TFDP1: variants seen among roughly 807,000 people sequenced by gnomAD.
TFDP1 encodes the protein DRTF1-polypeptide 1.
Under a neutral mutation model 48.0 loss-of-function variants are expected in TFDP1, and 6 were observed. The observed-to-expected ratio is 0.13, with a 90% CI of 0.07 to 0.25. The LOEUF is 0.25. Ranked by LOEUF, TFDP1 falls within the 10% of genes least tolerant of loss-of-function variation. The pLI is 1.00. For synonymous variants in TFDP1, 201 were observed against 211.6 expected, an observed-to-expected ratio of 0.95 and a Z score of 0.44; for missense variants, 335 against 543.0, an observed-to-expected ratio of 0.62 and a Z score of 3.81.
At chr13:113,637,693 G>C (rs754591954) in intron 10 of TFDP1, 125 bp from the exon 11 acceptor site, 73 of 1,568,742 alleles carry the variant, frequency 4.7e-5, no homozygotes, top group Non-Finnish European at 6.3e-5. Context: ...CTGGACAAGC[G>C]AAGGATATCC....
At position 113,623,035 on chromosome 13, in the gene TFDP1, C is replaced by T; in HGVS notation, c.80-145C>T. On this transcript the variant is annotated intron_variant, in intron 3 of 11. Transcript: ENST00000375370. The surrounding 1 kb of genome is among the most constrained non-coding windows in gnomAD (Gnocchi z 5.2). ...GGAATCAAGCTTCATGGAGGTGTTGCTCTTGAGCCCTGGATTTGAGACAGT... is the reference window on the plus strand; with the variant it reads ...GGAATCAAGCTTCATGGAGGTGTTGTTCTTGAGCCCTGGATTTGAGACAGT... The T allele has an allele frequency of 1.4e-6, 1 of 720,736 alleles. No homozygotes were observed. The highest frequency in any genetic ancestry group is 2.3e-6 in the Non-Finnish European group (1 of 433,602). The allele number at this position is 720,736 out of a possible 1,614,324, so 44.6% of individuals were successfully genotyped here. A position where few individuals can be genotyped will look rare whatever the true frequency, so the allele number is the denominator to read the frequency against.
At chr13:113,602,335 C>A (rs2048456590) in intron 2 of TFDP1, among the ~76,000 whole-genome samples, 1 of 152,018 alleles carries the variant, frequency 6.6e-6, no homozygotes, top group Non-Finnish European at 1.5e-5. Context: ...GATGGAGTTA[C>A]CTGCAGGAGT....
chr13:113,627,470 C>T lies in TFDP1; in HGVS notation c.187-4153C>T, dbSNP rs2049212865. On this transcript the variant is annotated intron_variant, in intron 4 of 11. Transcript: ENST00000375370. The surrounding 1 kb of genome is among the most constrained non-coding windows in gnomAD (Gnocchi z 4.1). ...TTCCTTTGCAGCTGCGCCACTGGCCCTGTCTCTCTGGACACCGCGGTTAAC... is the reference window on the plus strand; with the variant it reads ...TTCCTTTGCAGCTGCGCCACTGGCCTTGTCTCTCTGGACACCGCGGTTAAC... 6.6e-6 allele frequency among the ~76,000 whole-genome samples: 1 copy of T among 152,206 alleles called. No homozygotes were observed. The highest frequency in any genetic ancestry group is 1.5e-5 in the Non-Finnish European group (1 of 68,044).
At position 113,627,267 on chromosome 13, in the gene TFDP1, C is replaced by T. The variant is rs2049204443; in HGVS notation, c.186+3981C>T. 1.3e-5 allele frequency among the ~76,000 whole-genome samples: 2 copies of T among 152,122 alleles called. No individual in the cohort carries two copies. The highest frequency in any genetic ancestry group is 2.1e-4 in the South Asian group (1 of 4,834). On this transcript the variant is annotated intron_variant, in intron 4 of 11. Coordinates refer to ENST00000375370, the MANE Select transcript of TFDP1 (RefSeq NM_007111.5). The surrounding 1 kb of genome is among the most constrained non-coding windows in gnomAD (Gnocchi z 4.1). The stretch of plus-strand genomic sequence containing the variant: ...GTCAAGGTCAGGGTCTTTTGAGGTG[C>T]GGATGCTTGTGAAGCCTGTGGTGCT...
intron 3 of TFDP1, among the ~76,000 whole-genome samples, chr13:113,614,909 C>T (rs1430058388): frequency 6.6e-6 from 1 of 152,172 alleles, no homozygotes; most frequent in Non-Finnish European, 1.5e-5. Flanking sequence ...ACGAGGCCCA[C>T]CTGCATCGAG....
At chr13:113,600,709 A>G (rs923708831) in intron 2 of TFDP1, among the ~76,000 whole-genome samples, 7 of 142,710 alleles carry the variant, frequency 4.9e-5, no homozygotes, top group Non-Finnish European at 9.1e-5. Context: ...GAATCCTTGC[A>G]TGTAGGGCTC....
intron 3 of TFDP1, among the ~76,000 whole-genome samples, chr13:113,615,333 T>C (rs577540235): frequency 4.9e-4 from 74 of 152,350 alleles, no homozygotes; most frequent in African/African-American, 1.4e-3. Context: ...CTCTTACTCA[T>C]ATCATGCCTA....
intron 9 of TFDP1, among the ~76,000 whole-genome samples, 169 bp from the exon 10 acceptor site, chr13:113,636,365 C>G (rs1313270664): frequency 2.0e-5 from 3 of 152,238 alleles, no homozygotes; most frequent in African/African-American, 7.2e-5. Flanking sequence ...CTCGATTTGC[C>G]TCTCATCTCA....
Position 113,585,921 on chromosome 13 carries a change from A to G in TFDP1, c.12+72A>G, listed in dbSNP as rs1170105745. On this transcript the variant is annotated intron_variant, in intron 2 of 11. Coordinates refer to ENST00000375370, the MANE Select transcript of TFDP1 (RefSeq NM_007111.5). ...AAATTCTTTGTAGTTCTCTGCCTTT[A>G]TTTCAGAATGACAACACATAAGCTA... 6 of 1,524,508 alleles carry G rather than the reference A, an allele frequency of 3.9e-6. No individual in the cohort carries two copies. In the East Asian group the frequency reaches 1.1e-4, roughly 29 times the overall value. The allele number at this position is 1,524,508 out of a possible 1,614,324, so 94.4% of individuals were successfully genotyped here. A position where few individuals can be genotyped will look rare whatever the true frequency, so the allele number is the denominator to read the frequency against.
In TFDP1 at chr13:113,629,040, G is replaced by C. The variant is rs574765737; in HGVS notation, c.187-2583G>C. Among the ~76,000 whole-genome samples, 5 of 152,358 alleles carry C rather than the reference G, an allele frequency of 3.3e-5. No individual in the cohort carries two copies. The South Asian group carries it at 1.0e-3, about 32-fold the overall frequency. On this transcript the variant is annotated intron_variant, in intron 4 of 11. Coordinates refer to ENST00000375370, the MANE Select transcript of TFDP1 (RefSeq NM_007111.5). ...GAGCAAAGCCTCTGTCTCGTTCCTG[G>C]GAGGGCTGGCTCCAGGCCGCCCCTG...
In TFDP1 at chr13:113,640,309, C is replaced by G. The variant is rs200563498; in HGVS notation, c.*42C>G. The stretch of plus-strand genomic sequence containing the variant: ...GATTCGGCTTCAGGAAAACGTTTAG[C>G]GAAAAGAAACTTTTTTTTTAATGTG... On this transcript the variant is annotated 3_prime_UTR_variant, in exon 12 of 12. Coordinates refer to ENST00000375370, the MANE Select transcript of TFDP1 (RefSeq NM_007111.5). The G allele has an allele frequency of 7.0e-6, 11 of 1,570,394 alleles. No homozygotes were observed. The highest frequency in any genetic ancestry group is 1.4e-5 in the African/African-American group (1 of 73,130).
At position 113,598,281 on chromosome 13, in the gene TFDP1, A is replaced by G. The variant is rs1301047261; in HGVS notation, c.12+12432A>G. Among the ~76,000 whole-genome samples the G allele has an allele frequency of 6.6e-6, 1 of 152,178 alleles. No individual in the cohort carries two copies. The highest frequency in any genetic ancestry group is 1.5e-5 in the Non-Finnish European group (1 of 68,018). On this transcript the variant is annotated intron_variant, in intron 2 of 11. Transcript: ENST00000375370. The surrounding 1 kb of genome is among the most constrained non-coding windows in gnomAD (Gnocchi z 4.2). ...TTTTTAACGGCTGTGGAACTGATGT[A>G]TGGGTTTTCCAGGCAGTTTTGCATT...
intron 2 of TFDP1, among the ~76,000 whole-genome samples, chr13:113,599,537 C>T (rs973732696): frequency 3.3e-5 from 5 of 152,228 alleles, no homozygotes; most frequent in African/African-American, 4.8e-5. Flanking sequence ...GTTCATCCTT[C>T]GAAACCCTCA....
intron 2 of TFDP1, among the ~76,000 whole-genome samples, chr13:113,608,081 TG>T (rs2048613582): frequency 6.6e-6 from 1 of 152,066 alleles, no homozygotes; most frequent in Non-Finnish European, 1.5e-5. Context: ...GGGGCTCCTC[TG>T]TTGGGGCCTG....
Position 113,598,187 on chromosome 13 carries a change from T to G in TFDP1, c.12+12338T>G, listed in dbSNP as rs1440885166. On this transcript the variant is annotated intron_variant, in intron 2 of 11. Coordinates refer to ENST00000375370, the MANE Select transcript of TFDP1 (RefSeq NM_007111.5). This position sits in a 1 kb window ranked among gnomAD's most constrained non-coding sequence, Gnocchi z 4.2. ...CACCCCAGCCCTGGAAAACCGTGCC[T>G]GCCAGGTTCATACCACACAACCCGG... 6.6e-6 allele frequency among the ~76,000 whole-genome samples: 1 copy of G among 152,128 alleles called. No individual in the cohort carries two copies. Among genetic ancestry groups the G allele is most frequent in the African/African-American group, 2.4e-5 (1 of 41,412 alleles).
At position 113,640,322 on chromosome 13, in the gene TFDP1, T is replaced by C; in HGVS notation, c.*55T>C. On this transcript the variant is annotated 3_prime_UTR_variant, in exon 12 of 12. Coordinates refer to ENST00000375370, the MANE Select transcript of TFDP1 (RefSeq NM_007111.5). Reference sequence around the variant, plus strand: ...GAAAACGTTTAGCGAAAAGAAACTTTTTTTTTAATGTGGGTTTTCTGTTTC... The same window carrying C: ...GAAAACGTTTAGCGAAAAGAAACTTCTTTTTTAATGTGGGTTTTCTGTTTC... 1 of 1,549,042 alleles carries C rather than the reference T, an allele frequency of 6.5e-7. No homozygotes were observed. Among genetic ancestry groups the C allele is most frequent in the Non-Finnish European group, 8.7e-7 (1 of 1,150,240 alleles).
At chr13:113,591,276 G>C (rs2048139014) in intron 2 of TFDP1, among the ~76,000 whole-genome samples, 1 of 151,398 alleles carries the variant, frequency 6.6e-6, no homozygotes, top group Non-Finnish European at 1.5e-5. Context: ...GGGAGGCGGA[G>C]GTTGCAGTGA....
At position 113,641,151 on chromosome 13, in the gene TFDP1, T is replaced by G. The variant is rs572993258; in HGVS notation, c.*884T>G. ...TTCATAAGCATCTTCCTGTAATCTA[T>G]TATAAAATTGAAATTAAATATAGAG... On this transcript the variant is annotated 3_prime_UTR_variant, in exon 12 of 12. Coordinates refer to ENST00000375370, the MANE Select transcript of TFDP1 (RefSeq NM_007111.5). 6.6e-6 allele frequency: 1 copy of G among 152,668 alleles called. No homozygotes were observed. The highest frequency in any genetic ancestry group is 2.4e-5 in the African/African-American group (1 of 41,468). The allele number at this position is 152,668 out of a possible 1,614,324, so 9.5% of individuals were successfully genotyped here.
chr13:113,640,255 C>A lies in TFDP1; in HGVS notation c.1221C>A (p.Asp407Glu). 1 of 1,612,194 alleles carries A rather than the reference C, an allele frequency of 6.2e-7. No individual in the cohort carries two copies. The highest frequency in any genetic ancestry group is 8.5e-7 in the Non-Finnish European group (1 of 1,179,388). ...AGGACGATGACTTCAACGAGAATGACGAGGACGACTGACGTCCTCCCCACT... is the reference window on the plus strand; with the variant it reads ...AGGACGATGACTTCAACGAGAATGAAGAGGACGACTGACGTCCTCCCCACT... The part of the protein sequence containing the change: ...DEEDDDFNEN[D>E]EDD The change falls in exon 12 of 12, where the codon GAC becomes GAA. Residue 407 changes from aspartate (D) to glutamate (E), a missense_variant. By Grantham distance (45) the Asp-to-Glu change is conservative (BLOSUM62 2). This residue lies in a region of TFDP1 where 204 missense variants were observed against 287.1 expected (regional missense o/e 0.71). Coordinates refer to ENST00000375370, the MANE Select transcript of TFDP1 (RefSeq NM_007111.5).
Sources: allele counts gnomAD v4.1 joint callset (sites outside exome capture counted in the v4.1 genomes callset), GRCh38; gene constraint gnomAD v4.1.1; regional missense constraint gnomAD v4.1.1; non-coding constraint Gnocchi (gnomAD v3.1); transcripts MANE v1.5; gene names NCBI Gene and HGNC (gene_info 2026-07-23, HGNC 2026-07-21).